Variants in CNTNAP5 observed in about 807,000 individuals in gnomAD.
CNTNAP5 encodes the protein contactin-associated protein-like 5.
A neutral mutation model predicts 150.2 loss-of-function variants in CNTNAP5; 72 were observed. The ratio of observed to expected loss-of-function variants is 0.48; its 90% CI spans 0.40 to 0.58. The LOEUF is 0.58. Among genes scored for constraint, CNTNAP5 ranks in the 20% least tolerant of loss-of-function variants. The pLI is 0.00. For synonymous variants in CNTNAP5, 672 were observed against 619.8 expected (o/e 1.08, Z -1.25); for missense variants, 1,636 against 1,626.2 (o/e 1.01, Z -0.10).
At chr2:124,542,796 G>T (rs536891317) in intron 10 of CNTNAP5, among the ~76,000 whole-genome samples, 2 of 152,210 alleles carry the variant, frequency 1.3e-5, no homozygotes, top group African/African-American at 4.8e-5. Context: ...GCTGAGACAC[G>T]TGCCCTGTGA....
chr2:124,872,932 A>G (rs2104729199), intron 21 of CNTNAP5, among the ~76,000 whole-genome samples: 1 of 152,198 alleles, frequency 6.6e-6, no homozygotes, highest in Admixed American at 6.6e-5. Context: ...ACAACTTGTT[A>G]TTTTATTTCT....
intron 17 of CNTNAP5, among the ~76,000 whole-genome samples, chr2:124,777,638 C>T (rs777524260): frequency 5.3e-5 from 8 of 152,216 alleles, no homozygotes; most frequent in East Asian, 1.9e-4. Flanking sequence ...CCACCTTGGC[C>T]GCCCAGATTG....
intron 21 of CNTNAP5, among the ~76,000 whole-genome samples, chr2:124,877,365 G>A (rs1015626841): frequency 6.6e-6 from 1 of 152,066 alleles, no homozygotes; most frequent in East Asian, 1.9e-4. Flanking sequence ...ATGATATGTT[G>A]TTTCCAAATG....
At chr2:124,277,817 G>A (rs1222403226) in intron 3 of CNTNAP5, among the ~76,000 whole-genome samples, 1 of 152,144 alleles carries the variant, frequency 6.6e-6, no homozygotes, top group African/African-American at 2.4e-5. Flanking sequence ...AAGTGCAGGA[G>A]CTATGATTTT....
At chr2:124,555,894 A>T (rs114965179) in intron 10 of CNTNAP5, among the ~76,000 whole-genome samples, 198 of 152,350 alleles carry the variant, frequency 1.3e-3, no homozygotes, top group African/African-American at 4.6e-3. Context: ...ATTTGATATC[A>T]TTATGTTAAT....
At chr2:124,713,245 C>CTGTTTCTTTCTTTCTTTCTTTCTT (rs1491125155) in intron 13 of CNTNAP5, among the ~76,000 whole-genome samples, 1 of 45,072 alleles carries the variant, frequency 2.2e-5, no homozygotes, top group African/African-American at 7.0e-5. Flanking sequence ...CTTTCTTTCT[C>CTGTTTCTTTCTTTCTTTCTTTCTT]TTTCTTTCTT....
intron 19 of CNTNAP5, among the ~76,000 whole-genome samples, chr2:124,823,626 T>TTTAGTGTGATGC (rs1193979864): frequency 8.5e-5 from 13 of 152,164 alleles, no homozygotes; most frequent in Non-Finnish European, 1.8e-4. Context: ...CTTATCACAC[T>TTTAGTGTGATGC]AAAGAGTTGT....
At chr2:124,279,482 T>C (rs1362029629) in intron 3 of CNTNAP5, among the ~76,000 whole-genome samples, 2 of 151,918 alleles carry the variant, frequency 1.3e-5, no homozygotes, top group Non-Finnish European at 2.9e-5. Context: ...CTACACTATA[T>C]GTACCAGACT....
intron 19 of CNTNAP5, among the ~76,000 whole-genome samples, chr2:124,837,154 GAT>G (rs1047685648): frequency 2.7e-5 from 4 of 150,284 alleles, no homozygotes; most frequent in Admixed American, 1.3e-4. Context: ...CTGGAGAAAA[GAT>G]AGGATTTTCC....
intron 22 of CNTNAP5, among the ~76,000 whole-genome samples, chr2:124,908,358 G>A (rs1277845523): frequency 1.3e-5 from 2 of 151,696 alleles, no homozygotes; most frequent in Non-Finnish European, 2.9e-5. Flanking sequence ...ATGACAGAGT[G>A]AGACTCAGTC....
intron 6 of CNTNAP5, among the ~76,000 whole-genome samples, chr2:124,473,660 G>A (rs72966684): frequency 0.1 from 15,130 of 151,856 alleles, 1,223 homozygotes; most frequent in African/African-American, 0.2. Context: ...GAAAGATGGA[G>A]AAGTATCCAA....
intron 3 of CNTNAP5, among the ~76,000 whole-genome samples, chr2:124,281,744 G>T (rs780053): frequency 0.76 from 116,131 of 151,946 alleles, 44,643 homozygotes; most frequent in South Asian, 0.9. Flanking sequence ...TTTCACAAGC[G>T]GGCTTCAGGG....
intron 1 of CNTNAP5, among the ~76,000 whole-genome samples, chr2:124,213,088 T>C (rs2104727766): frequency 6.6e-6 from 1 of 152,256 alleles, no homozygotes; most frequent in South Asian, 2.1e-4. Flanking sequence ...TCCGCCTGCC[T>C]TGGCCTCCCA....
At chr2:124,207,163 A>C (rs952396872) in intron 1 of CNTNAP5, among the ~76,000 whole-genome samples, 1 of 152,162 alleles carries the variant, frequency 6.6e-6, no homozygotes, top group Non-Finnish European at 1.5e-5. Context: ...AGTTCATCAA[A>C]ATGCACTTGA....
chr2:124,636,819 G>A (rs905815213), intron 12 of CNTNAP5, among the ~76,000 whole-genome samples: 8 of 151,804 alleles, frequency 5.3e-5, no homozygotes, highest in African/African-American at 1.9e-4. Context: ...CTACAGAAAA[G>A]TTGAAAAAAT....
chr2:124,622,486 G>A lies in CNTNAP5; in HGVS notation c.1876+12566G>A, dbSNP rs112299944. The stretch of plus-strand genomic sequence containing the variant: ...TTTAGATTCCTTTGGGTATATAACC[G>A]GTAACAGGATTGCTGGGTCAAATGG... On this transcript the variant is annotated intron_variant, in intron 12 of 23. Transcript: ENST00000682447. Among the ~76,000 whole-genome samples the A allele has an allele frequency of 9.6e-3, 1,465 of 151,908 alleles. 20 individuals are homozygous for A. The highest frequency in any genetic ancestry group is 0.032 in the African/African-American group (1,339 of 41,438).
intron 3 of CNTNAP5, among the ~76,000 whole-genome samples, chr2:124,400,210 ACT>A (rs1282018755): frequency 6.6e-6 from 1 of 151,714 alleles, no homozygotes; most frequent in Non-Finnish European, 1.5e-5. Context: ...TTAGGAGAAG[ACT>A]CTGCTCTCAT....
intron 13 of CNTNAP5, among the ~76,000 whole-genome samples, chr2:124,737,742 T>C (rs1394038406): frequency 1.3e-5 from 2 of 152,170 alleles, no homozygotes; most frequent in Non-Finnish European, 2.9e-5. Flanking sequence ...CTTTTGAGTC[T>C]ATTGTAATTA....
chr2:124,306,719 CTTTTTTTTTTTTTTTT>C (rs762901729), intron 3 of CNTNAP5, among the ~76,000 whole-genome samples: 1 of 64,336 alleles, frequency 1.6e-5, no homozygotes, highest in Non-Finnish European at 2.8e-5. Context: ...CTCTCTCTTT[CTTTTTTTTTTTTTTTT>C]TTTTTTTTTG....
Sources: allele counts gnomAD v4.1 joint callset (sites outside exome capture counted in the v4.1 genomes callset), GRCh38; gene constraint gnomAD v4.1.1; transcripts MANE v1.5; gene names NCBI Gene and HGNC (gene_info 2026-07-23, HGNC 2026-07-21).